The following XPA variants were observed in gnomAD, a reference collection of about 807,000 sequenced individuals.
XPA encodes the protein DNA repair protein complementing XP-A cells.
In XPA, 27 loss-of-function variants were observed where a neutral mutation model predicts 35.7. The observed-to-expected ratio is 0.76, with a 90% CI of 0.56 to 1.04. The LOEUF (loss-of-function observed/expected upper bound fraction) is 1.04. Among genes scored for constraint, XPA ranks in the 50% least tolerant of loss-of-function variants. XPA has a pLI of 0.00. For synonymous variants in XPA, 133 were observed against 118.4 expected, an observed-to-expected ratio of 1.12 and a Z score of -0.80; for missense variants, 354 against 342.7, an observed-to-expected ratio of 1.03 and a Z score of -0.26.
chr9:97,687,271 G>A lies in XPA; in HGVS notation c.390-10C>T, dbSNP rs758250509. 1 of 1,597,030 alleles carries A rather than the reference G, an allele frequency of 6.3e-7. No homozygotes were observed. Among genetic ancestry groups the A allele is most frequent in the African/African-American group, 1.3e-5 (1 of 74,114 alleles). ...TTTATCATCAGCATCTCTGAAAACAGATTAAGTCCATTATATAAATTAGTT... is the reference window on the plus strand; with the variant it reads ...TTTATCATCAGCATCTCTGAAAACAAATTAAGTCCATTATATAAATTAGTT... On this transcript the variant is annotated splice_polypyrimidine_tract_variant and intron_variant, in intron 3 of 5. Transcript: ENST00000375128.
chr9:97,666,808 C>T, the XPA span: 1 of 1,608,952 alleles, frequency 6.2e-7, no homozygotes, highest in South Asian at 1.1e-5. Context: ...GTAAGATGAA[C>T]AAACATGTCC....
intron 5 of XPA, chr9:97,682,347 CA>C (rs1353511907): frequency 5.8e-6 from 3 of 518,764 alleles, no homozygotes; most frequent in African/African-American, 5.8e-5. Flanking sequence ...GAAAACTGCA[CA>C]GTAAGCTCCT....
the XPA span, among the ~76,000 whole-genome samples, chr9:97,667,784 A>G: frequency 2.0e-5 from 3 of 152,214 alleles, no homozygotes; most frequent in African/African-American, 4.8e-5. Context: ...TGGTCACACA[A>G]CCATATTTCA....
downstream of XPA, chr9:97,673,304 A>G (rs550367846): frequency 3.3e-5 from 5 of 152,284 alleles, no homozygotes; most frequent in African/African-American, 9.6e-5. Flanking sequence ...TCAAGGGTCA[A>G]CTGTAGTTTA....
the XPA span, among the ~76,000 whole-genome samples, chr9:97,659,729 C>G: frequency 6.6e-6 from 1 of 152,070 alleles, no homozygotes; most frequent in Non-Finnish European, 1.5e-5. Context: ...TGTACTGGTT[C>G]CGAGAATGAT....
downstream of XPA, chr9:97,671,961 C>A (rs1828205749): frequency 6.6e-6 from 1 of 152,198 alleles, no homozygotes; most frequent in Non-Finnish European, 1.5e-5. Context: ...CTTCCTCTAG[C>A]CTTGGGGTTA....
chr9:97,687,016 CA>C, intron 4 of XPA, 79 bp downstream of exon 4: 1 of 1,475,714 alleles, frequency 6.8e-7, no homozygotes, highest in Non-Finnish European at 9.2e-7. Context: ...ACTCTGTAAG[CA>C]AAAGCCAAAC....
the XPA span, among the ~76,000 whole-genome samples, chr9:97,665,851 T>G: frequency 6.7e-6 from 1 of 149,524 alleles, no homozygotes. Flanking sequence ...GCCTTAGTGA[T>G]AACGTAGTCA....
At chr9:97,660,877 T>C in the XPA span, 2 of 1,507,260 alleles carry the variant, frequency 1.3e-6, no homozygotes, top group African/African-American at 1.4e-5. Flanking sequence ...TTCTCAGTTA[T>C]TTAACTGTTC....
downstream of XPA, chr9:97,671,251 G>A: frequency 1.5e-6 from 2 of 1,329,476 alleles, no homozygotes; most frequent in Non-Finnish European, 2.1e-6. Flanking sequence ...AAAATAATTT[G>A]TCTTATTTTT....
intron 5 of XPA, among the ~76,000 whole-genome samples, chr9:97,681,399 G>A (rs779063790): frequency 9.9e-5 from 15 of 152,024 alleles, no homozygotes; most frequent in Non-Finnish European, 1.9e-4. Context: ...TGAGTCTCCC[G>A]AACTCTCTTG....
the XPA span, among the ~76,000 whole-genome samples, chr9:97,661,498 T>C: frequency 2.0e-5 from 3 of 152,152 alleles, no homozygotes; most frequent in African/African-American, 7.2e-5. Context: ...AGTGGGAAAA[T>C]TGACAAAATA....
the XPA span, among the ~76,000 whole-genome samples, chr9:97,661,433 C>T: frequency 6.6e-6 from 1 of 152,134 alleles, no homozygotes; most frequent in Non-Finnish European, 1.5e-5. Flanking sequence ...TTAACATTTA[C>T]TCAGTTATAT....
At chr9:97,686,744 T>C (rs958879944) in intron 4 of XPA, among the ~76,000 whole-genome samples, 1 of 151,944 alleles carries the variant, frequency 6.6e-6, no homozygotes, top group Non-Finnish European at 1.5e-5. Context: ...CTGGGCAATA[T>C]GGTAAAACCC....
At chr9:97,696,989 C>T in intron 1 of XPA, 132 bp downstream of exon 1, 1 of 1,219,154 alleles carries the variant, frequency 8.2e-7, no homozygotes, top group Non-Finnish European at 1.1e-6. Flanking sequence ...CTCTCCGACT[C>T]GGGGAGAATC....
intron 5 of XPA, among the ~76,000 whole-genome samples, chr9:97,682,912 A>T (rs1038846786): frequency 2.0e-5 from 3 of 152,206 alleles, no homozygotes; most frequent in African/African-American, 7.2e-5. Flanking sequence ...TAAAAAAAGC[A>T]TGTGATGAAA....
At chr9:97,695,124 CG>C (rs1350905670) in intron 1 of XPA, among the ~76,000 whole-genome samples, 1 of 152,152 alleles carries the variant, frequency 6.6e-6, no homozygotes, top group African/African-American at 2.4e-5. Flanking sequence ...TCTAAGGTTC[CG>C]GAAGTGTACA....
intron 5 of XPA, among the ~76,000 whole-genome samples, chr9:97,676,435 T>G (rs1828367658): frequency 6.6e-6 from 1 of 152,240 alleles, no homozygotes; most frequent in South Asian, 2.1e-4. Flanking sequence ...TCACCAGTGA[T>G]CCACCCAGTT....
intron 2 of XPA, 43 bp downstream of exon 2, chr9:97,693,606 A>G: frequency 6.4e-7 from 1 of 1,563,764 alleles, no homozygotes; most frequent in Non-Finnish European, 8.8e-7. Context: ...ATGTTACTCA[A>G]AATAACCAAT....
Sources: allele counts gnomAD v4.1 joint callset (sites outside exome capture counted in the v4.1 genomes callset), GRCh38; gene constraint gnomAD v4.1.1; transcripts MANE v1.5; gene names NCBI Gene and HGNC (gene_info 2026-07-23, HGNC 2026-07-21).